Variants in PLCB4 observed in about 807,000 individuals in gnomAD.
PLCB4 encodes 1-phosphatidylinositol 4,5-bisphosphate phosphodiesterase beta-4.
PLCB4 carries 77 observed loss-of-function variants against 178.8 expected under a neutral mutation model. The ratio of observed to expected loss-of-function variants is 0.43; its 90% CI spans 0.36 to 0.52. The LOEUF is 0.52. PLCB4 is among the 20% of genes least tolerant of loss of function. PLCB4 has a pLI of 0.00. For missense variants in PLCB4, 1,024 were observed against 1,453.4 expected, an observed-to-expected ratio of 0.70 and a Z score of 4.80; for synonymous variants, 496 against 490.8, an observed-to-expected ratio of 1.01 and a Z score of -0.14.
At chr20:9,131,092 A>G (rs1341918972) in intron 2 of PLCB4, among the ~76,000 whole-genome samples, 2 of 152,126 alleles carry the variant, frequency 1.3e-5, no homozygotes, top group Non-Finnish European at 2.9e-5. Context: ...TCAAGGAGCA[A>G]TAACTGACTT....
chr20:9,080,764 G>A (rs6140852), intron 1 of PLCB4, among the ~76,000 whole-genome samples: 94,792 of 151,926 alleles, frequency 0.62, 29,695 homozygotes, highest in South Asian at 0.72. Flanking sequence ...CTGACCTCTT[G>A]TCGGAGCTCC....
intron 4 of PLCB4, among the ~76,000 whole-genome samples, chr20:9,323,471 A>G (rs974822463): frequency 1.4e-4 from 22 of 152,340 alleles, no homozygotes; most frequent in African/African-American, 5.1e-4. Flanking sequence ...ATCACTCAAC[A>G]TATTTCATAA....
At chr20:9,424,187 T>G (rs1444482218) in intron 28 of PLCB4, among the ~76,000 whole-genome samples, 1 of 152,206 alleles carries the variant, frequency 6.6e-6, no homozygotes, top group Admixed American at 6.5e-5. Flanking sequence ...TTTAAAATAC[T>G]ATAATTTTAT....
At chr20:9,382,980 G>C (rs1182828718) in intron 13 of PLCB4, among the ~76,000 whole-genome samples, 1 of 152,048 alleles carries the variant, frequency 6.6e-6, no homozygotes, top group East Asian at 1.9e-4. Context: ...CCAAATAATG[G>C]ATAATAAATT....
At chr20:9,147,030 A>G (rs1182627480) in intron 2 of PLCB4, among the ~76,000 whole-genome samples, 2 of 152,154 alleles carry the variant, frequency 1.3e-5, no homozygotes, top group Non-Finnish European at 2.9e-5. Flanking sequence ...TTGCTTTTGA[A>G]GAGTCCACTA....
chr20:9,373,016 AACTT>A (rs1223230143), intron 11 of PLCB4, 27 bp from the exon 12 acceptor site: 2 of 1,054,904 alleles, frequency 1.9e-6, no homozygotes, highest in South Asian at 2.6e-5. Flanking sequence ...CATATACAAA[AACTT>A]ACTTTTTCTA....
At chr20:9,453,564 C>T in intron 33 of PLCB4, 102 bp downstream of exon 33, 1 of 634,972 alleles carries the variant, frequency 1.6e-6, no homozygotes, top group Non-Finnish European at 2.7e-6. Flanking sequence ...TTAGTGTTGA[C>T]TTGATTTTCA....
chr20:9,120,202 T>A (rs1439148279), intron 2 of PLCB4, among the ~76,000 whole-genome samples: 2 of 152,184 alleles, frequency 1.3e-5, no homozygotes, highest in Non-Finnish European at 2.9e-5. Flanking sequence ...CCTGAGTGCC[T>A]ACTGTGTGCA....
At position 9,342,906 on chromosome 20, in the gene PLCB4, C is replaced by T. The variant is rs1481949048; in HGVS notation, c.369+3869C>T. ...TATTCAGCTAGAGAAACAACAATGCCCTTTCTTTCCACAAGATCGTGTCAT... is the reference window on the plus strand; with the variant it reads ...TATTCAGCTAGAGAAACAACAATGCTCTTTCTTTCCACAAGATCGTGTCAT... On this transcript the variant is annotated intron_variant, in intron 7 of 39. Transcript: ENST00000378473. Among the ~76,000 whole-genome samples, 4 of 152,094 alleles carry T rather than the reference C, an allele frequency of 2.6e-5. No individual in the cohort carries two copies. In the East Asian group the frequency reaches 5.8e-4, roughly 22 times the overall value.
At chr20:9,140,638 A>G (rs2092470062) in intron 2 of PLCB4, among the ~76,000 whole-genome samples, 1 of 151,516 alleles carries the variant, frequency 6.6e-6, no homozygotes, top group African/African-American at 2.4e-5. Context: ...TTGTTCTATT[A>G]ATTCACGTGA....
chr20:9,151,057 A>G (rs2092682434), intron 2 of PLCB4, among the ~76,000 whole-genome samples: 1 of 152,194 alleles, frequency 6.6e-6, no homozygotes, highest in Non-Finnish European at 1.5e-5. Context: ...TAGGCCCTCC[A>G]TATCTGCCAG....
At chr20:9,299,991 A>G (rs2147819667) in intron 3 of PLCB4, among the ~76,000 whole-genome samples, 1 of 152,188 alleles carries the variant, frequency 6.6e-6, no homozygotes, top group South Asian at 2.1e-4. Flanking sequence ...AAATGGAGGT[A>G]TTTTTGCAAA....
intron 7 of PLCB4, among the ~76,000 whole-genome samples, chr20:9,359,623 C>T (rs2035143994): frequency 6.6e-6 from 1 of 152,148 alleles, no homozygotes; most frequent in Admixed American, 6.5e-5. Context: ...TTGGGGTGGC[C>T]GGACCAGAAG....
At chr20:9,413,159 G>C (rs1379334605) in intron 25 of PLCB4, among the ~76,000 whole-genome samples, 1 of 152,174 alleles carries the variant, frequency 6.6e-6, no homozygotes, top group African/African-American at 2.4e-5. Context: ...CGTCGGGCAT[G>C]GCTGTGCTCA....
chr20:9,232,149 G>A (rs749429479), intron 3 of PLCB4, among the ~76,000 whole-genome samples: 1 of 152,136 alleles, frequency 6.6e-6, no homozygotes, highest in Non-Finnish European at 1.5e-5. Flanking sequence ...CTTACATCTG[G>A]CATGTGTGTA....
chr20:9,440,210 A>G (rs1388288148), intron 30 of PLCB4, among the ~76,000 whole-genome samples: 3 of 152,252 alleles, frequency 2.0e-5, no homozygotes, highest in Non-Finnish European at 4.4e-5. Context: ...AAATGTGTTT[A>G]ATATCTAAGC....
At chr20:9,368,542 G>A (rs1460566809) in intron 9 of PLCB4, among the ~76,000 whole-genome samples, 1 of 152,166 alleles carries the variant, frequency 6.6e-6, no homozygotes, top group Non-Finnish European at 1.5e-5. Context: ...GAGAGCCGCA[G>A]GTGCCGTCTT....
intron 2 of PLCB4, among the ~76,000 whole-genome samples, chr20:9,117,318 C>T (rs567700003): frequency 6.6e-5 from 10 of 152,264 alleles, no homozygotes; most frequent in Admixed American, 3.3e-4. Flanking sequence ...AGGGTGTGAA[C>T]ATATTTTTAC....
chr20:9,082,159 AATTT>A (rs1171175043), intron 1 of PLCB4, among the ~76,000 whole-genome samples: 2 of 152,204 alleles, frequency 1.3e-5, no homozygotes, highest in Non-Finnish European at 2.9e-5. Flanking sequence ...GGAACAAAAT[AATTT>A]ATTTAATCAG....
Sources: allele counts gnomAD v4.1 joint callset (sites outside exome capture counted in the v4.1 genomes callset), GRCh38; gene constraint gnomAD v4.1.1; transcripts MANE v1.5; gene names NCBI Gene and HGNC (gene_info 2026-07-23, HGNC 2026-07-21).